The following CCSER2 variants were observed in gnomAD, a reference collection of about 807,000 sequenced individuals.
CCSER2 encodes coiled-coil serine rich protein 2.
Under a neutral mutation model 92.3 loss-of-function variants are expected in CCSER2, and 46 were observed. The ratio of observed to expected loss-of-function variants is 0.50; its 90% CI spans 0.39 to 0.64. CCSER2 has a LOEUF of 0.64. Among genes scored for constraint, CCSER2 ranks in the 30% least tolerant of loss-of-function variants. The probability of loss-of-function intolerance (pLI) is 0.00; values close to 1 mark genes in which losing one functional copy is unlikely to be tolerated. For synonymous variants in CCSER2, 433 were observed against 431.4 expected (o/e 1.00, Z -0.04); for missense variants, 1,244 against 1,238.9 (o/e 1.00, Z -0.06).
chr10:84,408,922 T>G (rs1842506411), intron 3 of CCSER2, among the ~76,000 whole-genome samples: 1 of 152,190 alleles, frequency 6.6e-6, no homozygotes, highest in Non-Finnish European at 1.5e-5. Context: ...TTGTGATAAA[T>G]GAGAAAACAT....
At chr10:84,356,151 C>T (rs939115701) in intron 1 of CCSER2, among the ~76,000 whole-genome samples, 2 of 149,702 alleles carry the variant, frequency 1.3e-5, no homozygotes, top group Non-Finnish European at 3.0e-5. Flanking sequence ...TGGAGGTTTG[C>T]AGTGGATTAA....
intron 6 of CCSER2, chr10:84,455,857 G>A (rs964851509): frequency 1.5e-5 from 11 of 745,698 alleles, no homozygotes; most frequent in East Asian, 5.2e-5. Flanking sequence ...CCATTGTAAC[G>A]GGAGCAACCA....
At chr10:84,337,974 A>G (rs1170339863) in intron 1 of CCSER2, among the ~76,000 whole-genome samples, 1 of 152,168 alleles carries the variant, frequency 6.6e-6, no homozygotes, top group African/African-American at 2.4e-5. Context: ...ATCTGTAGCT[A>G]TCAGCTTAGA....
chr10:84,479,542 A>T (rs1290351658), intron 9 of CCSER2, among the ~76,000 whole-genome samples: 2 of 152,218 alleles, frequency 1.3e-5, no homozygotes, highest in Non-Finnish European at 2.9e-5. Context: ...GAAAAGGGGA[A>T]AGGAGGAAAA....
intron 6 of CCSER2, among the ~76,000 whole-genome samples, chr10:84,439,077 T>C (rs1388385954): frequency 6.6e-6 from 1 of 152,226 alleles, no homozygotes; most frequent in Admixed American, 6.5e-5. Context: ...GCTGCTACTA[T>C]GATTTCAGCT....
At position 84,506,478 on chromosome 10, in the gene CCSER2, A is replaced by G. The variant is rs189778779; in HGVS notation, c.2326-6971A>G. ...CATATTCAGGTTAAGATCAGATTAT[A>G]CCTTTAGTGGTCTTCAATGGCAATA... On this transcript the variant is annotated intron_variant, in intron 9 of 9. Coordinates refer to ENST00000372088, the MANE Select transcript of CCSER2 (RefSeq NM_001284240.2). Among the ~76,000 whole-genome samples, 160 of 152,300 alleles carry G rather than the reference A, an allele frequency of 1.1e-3. 1 individual carries two copies. Among genetic ancestry groups the G allele is most frequent in the Admixed American group, 3.7e-3 (56 of 15,296 alleles).
At chr10:84,485,819 G>T (rs1174391488) in intron 9 of CCSER2, among the ~76,000 whole-genome samples, 1 of 152,066 alleles carries the variant, frequency 6.6e-6, no homozygotes, top group Non-Finnish European at 1.5e-5. Flanking sequence ...ATGTCTACAT[G>T]TGCCATGTTG....
intron 9 of CCSER2, among the ~76,000 whole-genome samples, chr10:84,497,206 G>T (rs545233173): frequency 1.3e-5 from 2 of 152,292 alleles, no homozygotes; most frequent in East Asian, 3.9e-4. Flanking sequence ...AATTTAGGCA[G>T]GATCAGGAAA....
chr10:84,424,324 A>C (rs992156548), intron 4 of CCSER2, among the ~76,000 whole-genome samples: 1 of 152,112 alleles, frequency 6.6e-6, no homozygotes, highest in African/African-American at 2.4e-5. Flanking sequence ...AGATGACAAC[A>C]AATTGAAATA....
chr10:84,382,743 C>A (rs1392362702), intron 3 of CCSER2, among the ~76,000 whole-genome samples: 1 of 152,198 alleles, frequency 6.6e-6, no homozygotes, highest in African/African-American at 2.4e-5. Context: ...TGAATCAGAT[C>A]ATCACTGAAA....
chr10:84,497,248 A>T (rs145429618), intron 9 of CCSER2, among the ~76,000 whole-genome samples: 5 of 152,320 alleles, frequency 3.3e-5, no homozygotes, highest in Admixed American at 3.3e-4. Context: ...AAAGAACCTA[A>T]GGGGGCTGGA....
At chr10:84,352,091 G>A (rs552716397) in intron 1 of CCSER2, among the ~76,000 whole-genome samples, 1 of 152,056 alleles carries the variant, frequency 6.6e-6, no homozygotes, top group Non-Finnish European at 1.5e-5. Context: ...ACGAGGTCAG[G>A]AGATCGAGAC....
At chr10:84,479,954 G>A (rs1847363432) in intron 9 of CCSER2, among the ~76,000 whole-genome samples, 1 of 152,082 alleles carries the variant, frequency 6.6e-6, no homozygotes, top group Admixed American at 6.5e-5. Flanking sequence ...TTCCCTGAGA[G>A]GAAAAAAAAC....
chr10:84,502,921 C>T (rs1041777884), intron 9 of CCSER2, among the ~76,000 whole-genome samples: 3 of 151,992 alleles, frequency 2.0e-5, no homozygotes, highest in Admixed American at 6.6e-5. Context: ...GTTCAAACTG[C>T]GTTGAAGAAT....
At chr10:84,427,897 T>G (rs1273848674) in intron 5 of CCSER2, among the ~76,000 whole-genome samples, 1 of 152,196 alleles carries the variant, frequency 6.6e-6, no homozygotes, top group African/African-American at 2.4e-5. Flanking sequence ...ACCCTAATAC[T>G]TCACTGTTTA....
chr10:84,466,034 G>A (rs117642125), intron 7 of CCSER2, among the ~76,000 whole-genome samples: 2,995 of 152,262 alleles, frequency 0.02, 47 homozygotes, highest in South Asian at 0.069. Context: ...CACTGTGCCC[G>A]GCCATATGAT....
intron 9 of CCSER2, among the ~76,000 whole-genome samples, chr10:84,481,343 C>CA (rs1304116719): frequency 6.6e-6 from 1 of 151,884 alleles, no homozygotes; most frequent in African/African-American, 2.4e-5. Flanking sequence ...TGCATATATT[C>CA]AACCTCAGCT....
intron 9 of CCSER2, among the ~76,000 whole-genome samples, chr10:84,489,104 CTGTT>C (rs2131790428): frequency 6.6e-6 from 1 of 152,244 alleles, no homozygotes; most frequent in Admixed American, 6.5e-5. Flanking sequence ...GTCTGAGAGA[CTGTT>C]TGTTATAGTT....
At chr10:84,499,994 G>T (rs2131836553) in intron 9 of CCSER2, 1 of 1,613,456 alleles carries the variant, frequency 6.2e-7, no homozygotes, top group Non-Finnish European at 8.5e-7. Flanking sequence ...TCCTGCTCTG[G>T]CTTCCCCTTC....
Sources: gnomAD v4.1 joint callset for allele counts (sites outside exome capture counted in the v4.1 genomes callset) on GRCh38, gnomAD v4.1.1 for gene constraint, MANE v1.5 for transcripts, NCBI Gene and HGNC (gene_info 2026-07-23, HGNC 2026-07-21) for gene names.